ALMS1: variants seen among roughly 807,000 people sequenced by gnomAD.
ALMS1 encodes the protein centrosome-associated protein ALMS1.
Under a neutral mutation model 352.2 loss-of-function variants are expected in ALMS1, and 271 were observed. The ratio of observed to expected loss-of-function variants is 0.77; its 90% CI spans 0.70 to 0.85. The LOEUF (loss-of-function observed/expected upper bound fraction) is 0.85. Among genes scored for constraint, ALMS1 ranks in the 40% least tolerant of loss-of-function variants. ALMS1 has a pLI of 0.00. For synonymous variants in ALMS1, 1,865 were observed against 1,761.2 expected (o/e 1.06, Z -1.48); for missense variants, 5,445 against 4,870.7 (o/e 1.12, Z -3.51).
chr2:73,544,511 T>C (rs190667956), intron 12 of ALMS1, among the ~76,000 whole-genome samples: 4 of 152,134 alleles, frequency 2.6e-5, no homozygotes, highest in Admixed American at 1.3e-4. Flanking sequence ...ACTTAAAGTA[T>C]AGTAAAAAAA....
rs149243898 is a variant in ALMS1 at position 73,552,830 on chromosome 2, G to A, written c.10078+2393G>A. The stretch of plus-strand genomic sequence containing the variant: ...GAGCTCATAAAATATCATATCATAA[G>A]TAAAATTCTCAGTGGAAGGGGTGGA... On this transcript the variant is annotated intron_variant, in intron 13 of 22. Coordinates refer to ENST00000613296, the MANE Select transcript of ALMS1 (RefSeq NM_001378454.1). Among the ~76,000 whole-genome samples the A allele has an allele frequency of 1.4e-4, 21 of 152,250 alleles. 1 individual carries two copies. In the East Asian group the frequency reaches 4.0e-3, roughly 29 times the overall value.
At chr2:73,557,624 C>A (rs937019675) in intron 14 of ALMS1, among the ~76,000 whole-genome samples, 2 of 152,278 alleles carry the variant, frequency 1.3e-5, no homozygotes, top group African/African-American at 4.8e-5. Flanking sequence ...TCCAGAAATT[C>A]ATTTAATGGA....
At chr2:73,430,101 G>C (rs1671469526) in intron 6 of ALMS1, among the ~76,000 whole-genome samples, 2 of 139,352 alleles carry the variant, frequency 1.4e-5, no homozygotes, top group Non-Finnish European at 3.0e-5. Context: ...TTTTGAGACA[G>C]AGTCTCCCAC....
intron 7 of ALMS1, among the ~76,000 whole-genome samples, chr2:73,443,806 C>A (rs1017336281): frequency 1.3e-5 from 2 of 152,058 alleles, no homozygotes; most frequent in Admixed American, 1.3e-4. Context: ...GGGATCAGTT[C>A]TCAAGAAAGT....
intron 12 of ALMS1, among the ~76,000 whole-genome samples, chr2:73,536,402 T>C (rs1244229870): frequency 6.6e-6 from 1 of 152,078 alleles, no homozygotes; most frequent in East Asian, 1.9e-4. Context: ...CACTGTATCC[T>C]GATAAATATA....
At position 73,409,656 on chromosome 2, in the gene ALMS1, A is replaced by T. The variant is rs144272832; in HGVS notation, c.450+909A>T. Among the ~76,000 whole-genome samples the T allele has an allele frequency of 2.0e-3, 305 of 152,316 alleles. 2 individuals are homozygous for T. The highest frequency in any genetic ancestry group is 6.0e-3 in the African/African-American group (251 of 41,570). ...TTTAAATTCCGGCTTACTAGAACTC[A>T]GTTGGTATATTATTCAGGGTTCTCC... On this transcript the variant is annotated intron_variant, in intron 2 of 22. Coordinates refer to ENST00000613296, the MANE Select transcript of ALMS1 (RefSeq NM_001378454.1).
chr2:73,409,815 T>C (rs994691269), intron 2 of ALMS1, among the ~76,000 whole-genome samples: 1 of 152,198 alleles, frequency 6.6e-6, no homozygotes, highest in African/African-American at 2.4e-5. Flanking sequence ...GACTGAGAAG[T>C]CCCAAGATCT....
chr2:73,531,945 G>C (rs1000130609), intron 11 of ALMS1, among the ~76,000 whole-genome samples: 2 of 152,300 alleles, frequency 1.3e-5, no homozygotes, highest in Admixed American at 1.3e-4. Flanking sequence ...CTCCCACCAG[G>C]TCTCTGCCTC....
In ALMS1 at chr2:73,492,830, G is replaced by A. The variant is rs563228184; in HGVS notation, c.9539+1332G>A. ...GTGATCTTGGTTCACTGAAACCTCC[G>A]CCCCCTGGGTTCCCGTCCCGCCTCA... is the stretch of plus-strand genomic sequence containing the variant. On this transcript the variant is annotated intron_variant, in intron 10 of 22. Coordinates refer to ENST00000613296, the MANE Select transcript of ALMS1 (RefSeq NM_001378454.1). Among the ~76,000 whole-genome samples, 24 of 152,032 alleles carry A rather than the reference G, an allele frequency of 1.6e-4. No homozygotes were observed. In the South Asian group the frequency reaches 3.7e-3, roughly 24 times the overall value.
chr2:73,603,452 CT>C (rs1454286301), intron 21 of ALMS1, 148 bp downstream of exon 21: 307 of 662,454 alleles, frequency 4.6e-4, no homozygotes, highest in Non-Finnish European at 5.9e-4. Context: ...ACTTATGGCA[CT>C]GAAAAAAAAA....
At chr2:73,534,772 A>G (rs893920396) in intron 11 of ALMS1, 52 bp from the exon 12 acceptor site, 27 of 1,581,072 alleles carry the variant, frequency 1.7e-5, no homozygotes, top group Non-Finnish European at 2.1e-5. Context: ...TATTTGTTCA[A>G]TGAATTAACA....
chr2:73,604,049 T>C (rs1186703786), intron 21 of ALMS1: 6 of 152,254 alleles, frequency 3.9e-5, no homozygotes, highest in Non-Finnish European at 8.8e-5. Flanking sequence ...CTGTTTCCAT[T>C]TGTGGTCTTT....
intron 16 of ALMS1, among the ~76,000 whole-genome samples, chr2:73,592,376 G>T (rs528353527): frequency 2.6e-5 from 4 of 152,186 alleles, no homozygotes; most frequent in Non-Finnish European, 5.9e-5. Flanking sequence ...CTTGGTCATT[G>T]TGTCACCCCT....
intron 13 of ALMS1, among the ~76,000 whole-genome samples, chr2:73,555,836 T>C (rs1218939720): frequency 3.3e-5 from 5 of 152,218 alleles, no homozygotes; most frequent in South Asian, 4.2e-4. Context: ...CAAAGACATA[T>C]ATTAATTGAC....
At chr2:73,523,762 T>C (rs1296487808) in intron 11 of ALMS1, among the ~76,000 whole-genome samples, 1 of 151,460 alleles carries the variant, frequency 6.6e-6, no homozygotes, top group African/African-American at 2.4e-5. Context: ...GTGAGACTCC[T>C]TCCCCCTTCC....
chr2:73,494,856 A>G (rs1054218224), intron 10 of ALMS1, among the ~76,000 whole-genome samples: 1 of 152,256 alleles, frequency 6.6e-6, no homozygotes, highest in Non-Finnish European at 1.5e-5. Context: ...GTTAGACTAT[A>G]CAAATAACCT....
intron 16 of ALMS1, among the ~76,000 whole-genome samples, chr2:73,592,103 A>G (rs1385959411): frequency 6.6e-6 from 1 of 152,226 alleles, no homozygotes; most frequent in Non-Finnish European, 1.5e-5. Context: ...GGATTCACTC[A>G]AAATTATTTG....
At chr2:73,515,999 A>C (rs1047523815) in intron 10 of ALMS1, among the ~76,000 whole-genome samples, 63 of 152,268 alleles carry the variant, frequency 4.1e-4, no homozygotes, top group African/African-American at 1.5e-3. Context: ...CCGTCAGCAT[A>C]GTAAATGAAC....
At chr2:73,458,479 C>A (rs1348642366) in intron 9 of ALMS1, 1 of 152,164 alleles carries the variant, frequency 6.6e-6, no homozygotes, top group African/African-American at 2.4e-5. Flanking sequence ...ACAAACATTT[C>A]TTCATCATGA....
Sources: allele counts gnomAD v4.1 joint callset (sites outside exome capture counted in the v4.1 genomes callset), GRCh38; gene constraint gnomAD v4.1.1; transcripts MANE v1.5; gene names NCBI Gene and HGNC (gene_info 2026-07-23, HGNC 2026-07-21).